Variants in PPFIBP2 observed in about 807,000 individuals in gnomAD.
PPFIBP2 encodes the protein PPFIB scaffold protein 2.
In PPFIBP2, 118 loss-of-function variants were observed where a neutral mutation model predicts 118.3. The observed-to-expected ratio is 1.00, with a 90% CI of 0.86 to 1.16. The LOEUF (loss-of-function observed/expected upper bound fraction) is 1.16, where lower values mean the gene tolerates loss of function less well. PPFIBP2 is among the 50% of genes most tolerant of loss of function. PPFIBP2 has a pLI of 0.00. For missense variants in PPFIBP2, 1,195 were observed against 1,073.1 expected (o/e 1.11, Z -1.59); for synonymous variants, 414 against 397.4 (o/e 1.04, Z -0.50).
At chr11:7,623,737 T>G (rs1849633833) in intron 7 of PPFIBP2, among the ~76,000 whole-genome samples, 1 of 152,154 alleles carries the variant, frequency 6.6e-6, no homozygotes, top group African/African-American at 2.4e-5. Flanking sequence ...CGAGTGCCCA[T>G]CCTGTCCACA....
chr11:7,647,874 G>A (rs999812429), intron 17 of PPFIBP2, among the ~76,000 whole-genome samples: 3 of 152,186 alleles, frequency 2.0e-5, no homozygotes, highest in Non-Finnish European at 4.4e-5. Context: ...TAATGTGAAT[G>A]TTCCTCCTGT....
chr11:7,640,216 C>T (rs957592875), intron 15 of PPFIBP2, among the ~76,000 whole-genome samples: 2 of 152,142 alleles, frequency 1.3e-5, no homozygotes, highest in African/African-American at 4.8e-5. Context: ...CAGACACCCC[C>T]TTCTACCCTT....
chr11:7,610,853 C>T (rs969248549), intron 6 of PPFIBP2, among the ~76,000 whole-genome samples: 1 of 152,182 alleles, frequency 6.6e-6, no homozygotes, highest in South Asian at 2.1e-4. Flanking sequence ...GATGGAACCT[C>T]GGGTGATGTG....
intron 1 of PPFIBP2, among the ~76,000 whole-genome samples, chr11:7,538,977 T>C (rs2134417951): frequency 6.6e-6 from 1 of 152,338 alleles, no homozygotes; most frequent in Non-Finnish European, 1.5e-5. Context: ...GCTGTAAAGC[T>C]TTGAACAAAT....
chr11:7,518,115 G>A (rs1262776728), intron 1 of PPFIBP2, among the ~76,000 whole-genome samples: 1 of 152,218 alleles, frequency 6.6e-6, no homozygotes, highest in African/African-American at 2.4e-5. Context: ...TTGAAACTCT[G>A]CCTGTTTTTG....
the PPFIBP2 span, among the ~76,000 whole-genome samples, chr11:7,663,399 A>G: frequency 5.9e-5 from 9 of 151,582 alleles, no homozygotes; most frequent in African/African-American, 1.2e-4. Context: ...CTGTTGGAAT[A>G]CCCTGCTGTG....
rs115446596 is a variant in PPFIBP2 at position 7,578,660 on chromosome 11, A to G, written c.279+12893A>G. ...GGAAATAAACCTCAGATTACAAACAATAAGTGTGCCTGGAGGAAGAACAGA... is the reference window on the plus strand; with the variant it reads ...GGAAATAAACCTCAGATTACAAACAGTAAGTGTGCCTGGAGGAAGAACAGA... On this transcript the variant is annotated intron_variant, in intron 3 of 23. Coordinates refer to ENST00000299492, the MANE Select transcript of PPFIBP2 (RefSeq NM_003621.5). Among the ~76,000 whole-genome samples, 610 of 152,306 alleles carry G rather than the reference A, an allele frequency of 4.0e-3. 6 individuals carry two copies. The highest frequency in any genetic ancestry group is 0.014 in the African/African-American group (581 of 41,562).
At chr11:7,596,835 G>T (rs750331329) in intron 4 of PPFIBP2, among the ~76,000 whole-genome samples, 8 of 152,146 alleles carry the variant, frequency 5.3e-5, no homozygotes, top group Non-Finnish European at 1.0e-4. Flanking sequence ...GAAAACCATT[G>T]TTAATATATA....
At chr11:7,514,955 C>T (rs562321857) in intron 1 of PPFIBP2, among the ~76,000 whole-genome samples, 1 of 152,174 alleles carries the variant, frequency 6.6e-6, no homozygotes, top group African/African-American at 2.4e-5. Context: ...TCGTCTCTCT[C>T]CTTTCTCAAC....
chr11:7,663,353 T>C, the PPFIBP2 span, among the ~76,000 whole-genome samples: 1 of 150,210 alleles, frequency 6.7e-6, no homozygotes, highest in African/African-American at 2.4e-5. Flanking sequence ...TGTTTGTTAG[T>C]TTTCCTTCTA....
At chr11:7,605,676 T>C (rs1847252997) in intron 5 of PPFIBP2, 3 of 1,292,910 alleles carry the variant, frequency 2.3e-6, no homozygotes, top group Non-Finnish European at 9.8e-7. Context: ...AGGAGAACAA[T>C]GTTGCTTCAA....
chr11:7,519,242 A>G (rs1426148302), intron 1 of PPFIBP2, among the ~76,000 whole-genome samples: 1 of 152,088 alleles, frequency 6.6e-6, no homozygotes, highest in Non-Finnish European at 1.5e-5. Context: ...TCTGGGAGGA[A>G]TGGACAGCAG....
chr11:7,542,878 A>G (rs887840204), intron 1 of PPFIBP2, among the ~76,000 whole-genome samples: 43 of 152,344 alleles, frequency 2.8e-4, no homozygotes, highest in African/African-American at 9.9e-4. Context: ...TGTTTACCTG[A>G]GTTCTGTCTT....
At chr11:7,555,491 A>T (rs954836825) in intron 2 of PPFIBP2, among the ~76,000 whole-genome samples, 3 of 152,108 alleles carry the variant, frequency 2.0e-5, no homozygotes, top group Admixed American at 6.5e-5. Flanking sequence ...TTGAGTCCAT[A>T]CTCTGAACAG....
chr11:7,665,997 C>G, the PPFIBP2 span: 1 of 1,262,388 alleles, frequency 7.9e-7, no homozygotes, highest in Non-Finnish European at 1.1e-6. Context: ...GTGGGGTGCT[C>G]TGTGCACAGT....
At chr11:7,573,197 C>T (rs992053279) in intron 3 of PPFIBP2, among the ~76,000 whole-genome samples, 5 of 152,186 alleles carry the variant, frequency 3.3e-5, no homozygotes, top group African/African-American at 1.2e-4. Flanking sequence ...AGGCCCCATA[C>T]CCAATCTACT....
chr11:7,564,167 A>G (rs75493720), intron 2 of PPFIBP2, among the ~76,000 whole-genome samples: 6 of 97,344 alleles, frequency 6.2e-5, no homozygotes, highest in African/African-American at 2.3e-4. Context: ...CTCCGTCTCA[A>G]AAAAAAAAAA....
intron 1 of PPFIBP2, among the ~76,000 whole-genome samples, chr11:7,532,978 T>C (rs1231280927): frequency 6.6e-6 from 1 of 151,818 alleles, no homozygotes; most frequent in Non-Finnish European, 1.5e-5. Context: ...GAGTTGGCTA[T>C]AGGCAAAAGT....
intron 2 of PPFIBP2, among the ~76,000 whole-genome samples, chr11:7,558,624 C>T (rs7111995): frequency 0.52 from 78,215 of 151,660 alleles, 21,804 homozygotes; most frequent in African/African-American, 0.74. Flanking sequence ...GGCGTGGTGG[C>T]GCGTGCCTGT....
Sources: gnomAD v4.1 joint callset for allele counts (sites outside exome capture counted in the v4.1 genomes callset) on GRCh38, gnomAD v4.1.1 for gene constraint, MANE v1.5 for transcripts, NCBI Gene and HGNC (gene_info 2026-07-23, HGNC 2026-07-21) for gene names.